Variants in EPG5 observed in about 807,000 individuals in gnomAD.
EPG5 encodes ectopic P granules protein 5 homolog.
A neutral mutation model predicts 302.7 loss-of-function variants in EPG5; 159 were observed. The observed-to-expected ratio is 0.53, with a 90% CI of 0.46 to 0.60. The LOEUF (loss-of-function observed/expected upper bound fraction) is 0.60, where lower values mean the gene tolerates loss of function less well. Ranked by LOEUF, EPG5 falls within the 20% of genes least tolerant of loss-of-function variation. The probability of loss-of-function intolerance (pLI) is 0.00; values close to 1 mark genes in which losing one functional copy is unlikely to be tolerated. For missense variants in EPG5, 2,896 were observed against 3,092.4 expected (o/e 0.94, Z 1.51); for synonymous variants, 1,158 against 1,136.8 (o/e 1.02, Z -0.37).
chr18:45,812,261 C>T, the EPG5 span, among the ~76,000 whole-genome samples: 1 of 152,004 alleles, frequency 6.6e-6, no homozygotes, highest in African/African-American at 2.4e-5. Context: ...CTCAACAAAA[C>T]AAAAGAGGAC....
Position 45,848,831 on chromosome 18 carries a change from C to T in EPG5, c.*3636G>A, listed in dbSNP as rs2048388231. 1 of 152,336 alleles carries T rather than the reference C, an allele frequency of 6.6e-6. No individual in the cohort carries two copies. Among genetic ancestry groups the T allele is most frequent in the African/African-American group, 2.4e-5 (1 of 41,442 alleles). 9.4% of individuals were successfully genotyped at this position (152,336 alleles called of 1,614,324 possible). ...GGGCGCGGTGGCTCACGCCTGTAATCCCAGCACTCTGGGAGGCCGGGGCGG... is the reference window on the plus strand; with the variant it reads ...GGGCGCGGTGGCTCACGCCTGTAATTCCAGCACTCTGGGAGGCCGGGGCGG... On this transcript the variant is annotated 3_prime_UTR_variant, in exon 44 of 44. Coordinates refer to ENST00000282041, the MANE Select transcript of EPG5 (RefSeq NM_020964.3).
intron 41 of EPG5, 87 bp from the exon 42 acceptor site, chr18:45,858,155 A>G: frequency 1.0e-6 from 1 of 973,248 alleles, no homozygotes; most frequent in Non-Finnish European, 1.6e-6. Context: ...AGTTTGAAGG[A>G]TAGGAGACAT....
chr18:45,813,666 C>CA, the EPG5 span, among the ~76,000 whole-genome samples: 2 of 148,458 alleles, frequency 1.3e-5, no homozygotes, highest in African/African-American at 2.5e-5. Context: ...CTCACAAGGA[C>CA]AAAAAACCAA....
the EPG5 span, among the ~76,000 whole-genome samples, chr18:45,831,749 T>TTC: frequency 6.6e-6 from 1 of 151,822 alleles, no homozygotes; most frequent in East Asian, 1.9e-4. Flanking sequence ...ACATCTTTTT[T>TTC]TTTTTTTGGC....
Position 45,887,845 on chromosome 18 carries a change from A to G in EPG5, c.5015T>C (p.Leu1672Pro). 6.2e-7 allele frequency: 1 copy of G among 1,602,346 alleles called. No homozygotes were observed. The highest frequency in any genetic ancestry group is 2.2e-5 in the East Asian group (1 of 44,604). ...GACGTAATCCACAATAGTAAAGAAA[A>G]GGCTAATGCCAACTTTCTGAATCCC... is the stretch of plus-strand genomic sequence containing the variant. ...TPGIQKVGIS[L>P]FFTIVDYVSD... The change falls in exon 29 of 44, where the codon CTT becomes CCT. Residue 1672 changes from leucine to proline, a missense_variant. By Grantham distance (98) the Leu-to-Pro change is moderately conservative (BLOSUM62 -3). Around this residue, in one of 5 missense-constraint regions of EPG5, gnomAD observed 790 missense variants for 798.0 expected, o/e 0.99. Transcript: ENST00000282041.
the EPG5 span, chr18:45,825,564 T>C: frequency 1.5e-6 from 1 of 654,804 alleles, no homozygotes. Flanking sequence ...CTGCCAGGCT[T>C]CCTGTCCCCA....
intron 42 of EPG5, among the ~76,000 whole-genome samples, chr18:45,857,529 C>T (rs8085603): frequency 9.9e-5 from 15 of 152,204 alleles, no homozygotes; most frequent in African/African-American, 3.6e-4. Context: ...AAACTATGCT[C>T]GCATACCGTC....
Position 45,912,296 on chromosome 18 carries a change from T to C in EPG5, c.3977A>G (p.Gln1326Arg). Reference sequence around the variant, plus strand: ...ACAATACTGGGCAGCATACCCATACTGTGGTCCCGGACGGTGAAGATACAG... The same window carrying C: ...ACAATACTGGGCAGCATACCCATACCGTGGTCCCGGACGGTGAAGATACAG... ...FLLYLHRPGP[Q>R]YGLPIDGCIG... Residue 1326 changes from glutamine to arginine, a missense_variant, in exon 22 of 44, where the codon CAG becomes CGG. By Grantham distance (43) the Gln-to-Arg change is conservative. Around this residue, in one of 5 missense-constraint regions of EPG5, gnomAD observed 790 missense variants for 798.0 expected, o/e 0.99. Transcript: ENST00000282041. 1.9e-6 allele frequency: 3 copies of C among 1,590,346 alleles called. No homozygotes were observed. The highest frequency in any genetic ancestry group is 2.6e-6 in the Non-Finnish European group (3 of 1,171,358).
chr18:45,893,235 AC>A (rs1297273270), intron 27 of EPG5, among the ~76,000 whole-genome samples: 1 of 152,150 alleles, frequency 6.6e-6, no homozygotes, highest in African/African-American at 2.4e-5. Flanking sequence ...GTGTCTCTGA[AC>A]CTGTTTCTCT....
chr18:45,874,356 T>C (rs1216703739), intron 35 of EPG5, among the ~76,000 whole-genome samples: 4 of 151,462 alleles, frequency 2.6e-5, no homozygotes, highest in Non-Finnish European at 5.9e-5. Flanking sequence ...AAAAATAAAA[T>C]CTATTACAAA....
chr18:45,953,732 G>A, intron 2 of EPG5: 1 of 985,336 alleles, frequency 1.0e-6, no homozygotes, highest in Non-Finnish European at 1.2e-6. Context: ...TTATAGTTAA[G>A]AAGGTGAGTT....
chr18:45,845,441 G>C (rs2048355623), downstream of EPG5, among the ~76,000 whole-genome samples: 1 of 152,162 alleles, frequency 6.6e-6, no homozygotes, highest in African/African-American at 2.4e-5. Context: ...GGGTGGTGAG[G>C]GGACAGCACT....
chr18:45,820,763 C>T, the EPG5 span, among the ~76,000 whole-genome samples: 1 of 152,176 alleles, frequency 6.6e-6, no homozygotes, highest in South Asian at 2.1e-4. Flanking sequence ...CTTACCTTTT[C>T]CCCAACACTC....
chr18:45,935,045 G>A, intron 10 of EPG5, 79 bp from the exon 11 acceptor site: 1 of 1,387,030 alleles, frequency 7.2e-7, no homozygotes. Flanking sequence ...TGGCTCTCAA[G>A]GAAAAAAAGA....
chr18:45,817,139 G>T, the EPG5 span, among the ~76,000 whole-genome samples: 13 of 152,088 alleles, frequency 8.5e-5, no homozygotes, highest in Non-Finnish European at 1.5e-4. Context: ...GTGGGTGAGG[G>T]ATAAAAGGCT....
At chr18:45,862,116 T>C (rs145295763) in intron 39 of EPG5, among the ~76,000 whole-genome samples, 188 of 152,334 alleles carry the variant, frequency 1.2e-3, no homozygotes, top group African/African-American at 4.4e-3. Flanking sequence ...TCCCAGATGA[T>C]GTAATGGCTT....
chr18:45,897,765 A>G (rs1461430587), intron 27 of EPG5, among the ~76,000 whole-genome samples: 2 of 152,268 alleles, frequency 1.3e-5, no homozygotes, highest in Admixed American at 6.5e-5. Flanking sequence ...AAGTAATGAA[A>G]AATACAATAC....
intron 2 of EPG5, chr18:45,954,142 T>C (rs944269901): frequency 1.1e-5 from 2 of 183,028 alleles, no homozygotes; most frequent in Admixed American, 6.5e-5. Context: ...AACCATCATC[T>C]AGAACTTGAG....
chr18:45,842,148 G>C, the EPG5 span: 2 of 1,614,194 alleles, frequency 1.2e-6, no homozygotes, highest in African/African-American at 2.7e-5. Context: ...TGAGCCAGAT[G>C]AACCCCCGGA....
Sources: allele counts gnomAD v4.1 joint callset (sites outside exome capture counted in the v4.1 genomes callset), GRCh38; gene constraint gnomAD v4.1.1; regional missense constraint gnomAD v4.1.1; transcripts MANE v1.5; gene names NCBI Gene and HGNC (gene_info 2026-07-23, HGNC 2026-07-21).